The following CUX1 variants were observed in gnomAD, a reference collection of about 807,000 sequenced individuals.
CUX1 encodes the protein cut like homeobox 1, also known as protein CASP.
CUX1 carries 31 observed loss-of-function variants against 158.8 expected under a neutral mutation model. The observed-to-expected ratio is 0.20, with a 90% confidence interval of 0.15 to 0.26. The LOEUF (loss-of-function observed/expected upper bound fraction) is 0.26, where lower values mean the gene tolerates loss of function less well. CUX1 is among the 10% of genes least tolerant of loss of function. The pLI is 1.00. For synonymous variants in CUX1, 879 were observed against 862.1 expected (o/e 1.02, Z -0.34); for missense variants, 1,589 against 2,014.6 (o/e 0.79, Z 4.04).
chr7:102,239,711 G>GTCCGTTCC, intron 23 of CUX1, 127 bp downstream of exon 23: 1 of 1,086,848 alleles, frequency 9.2e-7, no homozygotes, highest in South Asian at 1.7e-5. Flanking sequence ...TCGGTGATTG[G>GTCCGTTCC]TCCGTTCCTT....
intron 20 of CUX1, among the ~76,000 whole-genome samples, chr7:102,212,976 C>T (rs996198678): frequency 1.3e-5 from 2 of 152,218 alleles, no homozygotes; most frequent in Non-Finnish European, 2.9e-5. Flanking sequence ...CTCCAAGTAG[C>T]TGGGATCACA....
intron 16 of CUX1, among the ~76,000 whole-genome samples, chr7:102,274,829 T>C (rs1199146477): frequency 2.0e-5 from 3 of 152,226 alleles, no homozygotes; most frequent in African/African-American, 7.2e-5. Context: ...AAACTGAGGC[T>C]GCTGGACTGG....
intron 2 of CUX1, among the ~76,000 whole-genome samples, chr7:101,947,037 A>G (rs940788232): frequency 3.3e-5 from 5 of 152,162 alleles, no homozygotes; most frequent in African/African-American, 1.2e-4. Context: ...GAGTGGAAGT[A>G]GGTCCCAAGA....
chr7:101,859,226 C>T (rs1797189333), intron 1 of CUX1, among the ~76,000 whole-genome samples: 3 of 152,172 alleles, frequency 2.0e-5, no homozygotes, highest in East Asian at 3.8e-4. Flanking sequence ...AGGCATCCCT[C>T]CCTGCACCTG....
chr7:101,923,911 C>T (rs893158352), intron 2 of CUX1, among the ~76,000 whole-genome samples: 9 of 152,346 alleles, frequency 5.9e-5, no homozygotes, highest in African/African-American at 7.2e-5. Flanking sequence ...CCTTCTACGC[C>T]GGCCTGGCGC....
chr7:102,079,771 G>A (rs994957749), intron 4 of CUX1, among the ~76,000 whole-genome samples: 2 of 152,140 alleles, frequency 1.3e-5, no homozygotes, highest in Non-Finnish European at 2.9e-5. Context: ...AACAAAACAG[G>A]ACAGAAAGAG....
In CUX1 at chr7:102,097,375, G is replaced by A. The variant is rs1554484571; in HGVS notation, c.280G>A (p.Ala94Thr). Residue 94 changes from alanine (A) to threonine (T), a missense_variant, in exon 5 of 24, where the codon GCT (alanine) becomes ACT (threonine). Transcript: ENST00000292535. ...RLIDVPDPVP[A>T]LDLGQQLQLK... ...TTCCTGTTGTGCAGATCCCGTACCA[G>A]CTTTGGATCTCGGACAGCAACTCCA... is the stretch of plus-strand genomic sequence containing the variant. The A allele has an allele frequency of 6.2e-7, 1 of 1,608,618 alleles. No individual in the cohort carries two copies.
At chr7:101,997,428 C>T (rs1816087194) in intron 2 of CUX1, among the ~76,000 whole-genome samples, 1 of 152,214 alleles carries the variant, frequency 6.6e-6, no homozygotes, top group South Asian at 2.1e-4. Context: ...ACTGCAACCT[C>T]CGCCTCTTGG....
intron 1 of CUX1, among the ~76,000 whole-genome samples, chr7:101,820,301 C>G (rs967073999): frequency 6.6e-6 from 1 of 152,170 alleles, no homozygotes; most frequent in Non-Finnish European, 1.5e-5. Flanking sequence ...TCATACATTT[C>G]GTAAGCAGAG....
Position 102,097,505 on chromosome 7 carries a change from G to A in CUX1, c.406+4G>A. ...TTTGCTGAAGTGAAAAATCAAGGTT[G>A]GTGGAAAATGCGTTCTTTGCTTTTT... On this transcript the variant is annotated splice_donor_region_variant and intron_variant, in intron 5 of 23. Coordinates refer to ENST00000292535, the MANE Select transcript of CUX1 (RefSeq NM_181552.4). The A allele has an allele frequency of 1.3e-6, 2 of 1,584,988 alleles. No homozygotes were observed. Among genetic ancestry groups the A allele is most frequent in the South Asian group, 1.2e-5 (1 of 85,534 alleles).
intron 2 of CUX1, among the ~76,000 whole-genome samples, chr7:101,948,037 C>T (rs558415476): frequency 6.6e-6 from 1 of 152,270 alleles, no homozygotes; most frequent in Non-Finnish European, 1.5e-5. Flanking sequence ...GCGTCACTGC[C>T]GAGTTCCCTG....
intron 1 of CUX1, among the ~76,000 whole-genome samples, chr7:101,877,013 AT>A (rs1298441419): frequency 6.6e-6 from 1 of 152,074 alleles, no homozygotes; most frequent in Admixed American, 6.5e-5. Context: ...CTTTTCTATG[AT>A]TTTTAATGTC....
Position 102,195,530 on chromosome 7 carries a change from G to A in CUX1, c.1149G>A (p.Val383=). The A allele has an allele frequency of 6.2e-7, 1 of 1,612,770 alleles. No individual in the cohort carries two copies. Among genetic ancestry groups the A allele is most frequent in the East Asian group, 2.2e-5 (1 of 44,856 alleles). The stretch of plus-strand genomic sequence containing the variant: ...AGGATGCGGCCAAGCCCCTGGAGGT[G>A]CTGTTGCTGGAGAAGAACCGCTCGC... ...GTQDAAKPLE[V]LLLEKNRSLQ... The change falls in exon 14 of 24, where the codon GTG becomes GTA. Residue 383 remains valine (V), a synonymous_variant. Coordinates refer to ENST00000292535, the MANE Select transcript of CUX1 (RefSeq NM_181552.4).
At chr7:101,825,945 C>T (rs2130964912) in intron 1 of CUX1, among the ~76,000 whole-genome samples, 1 of 152,216 alleles carries the variant, frequency 6.6e-6, no homozygotes, top group South Asian at 2.1e-4. Flanking sequence ...ATGCAGCTGC[C>T]AGATTAATCT....
chr7:102,166,792 A>G (rs1310842816), intron 9 of CUX1, among the ~76,000 whole-genome samples: 2 of 151,738 alleles, frequency 1.3e-5, no homozygotes, highest in Non-Finnish European at 2.9e-5. Context: ...TGAGTTTTGT[A>G]TTTTTTTTCG....
intron 2 of CUX1, among the ~76,000 whole-genome samples, chr7:101,937,898 A>G (rs1807138423): frequency 1.3e-5 from 2 of 152,164 alleles, no homozygotes; most frequent in Admixed American, 1.3e-4. Flanking sequence ...GACACCAAAG[A>G]TTTTTATAAA....
intron 4 of CUX1, among the ~76,000 whole-genome samples, chr7:102,093,216 C>A (rs1156370136): frequency 9.2e-6 from 1 of 109,084 alleles, no homozygotes; most frequent in Non-Finnish European, 1.9e-5. Flanking sequence ...GGAGTGAGAC[C>A]CTATCTCTTT....
At chr7:102,264,438 C>A (rs75116305) in intron 14 of CUX1, among the ~76,000 whole-genome samples, 5,302 of 152,300 alleles carry the variant, frequency 0.035, 134 homozygotes, top group Middle Eastern at 0.092. Flanking sequence ...TGGAAACCAG[C>A]ATGGCCGCAG....
At chr7:102,062,699 C>T (rs966007408) in intron 3 of CUX1, among the ~76,000 whole-genome samples, 1 of 152,150 alleles carries the variant, frequency 6.6e-6, no homozygotes, top group Non-Finnish European at 1.5e-5. Context: ...CAGGATCTTG[C>T]TACACTGCCC....
Sources: allele counts gnomAD v4.1 joint callset (sites outside exome capture counted in the v4.1 genomes callset), GRCh38; gene constraint gnomAD v4.1.1; transcripts MANE v1.5; gene names NCBI Gene and HGNC (gene_info 2026-07-23, HGNC 2026-07-21).